Variants in MITF observed in about 807,000 individuals in gnomAD.
The protein encoded by MITF is microphthalmia-associated transcription factor.
MITF carries 17 observed loss-of-function variants against 60.5 expected under a neutral mutation model. The observed-to-expected ratio is 0.28, with a 90% CI of 0.19 to 0.42. The LOEUF is 0.42. MITF is among the 10% of genes least tolerant of loss of function. MITF has a pLI of 1.00. For missense variants in MITF, 622 were observed against 683.5 expected (o/e 0.91, Z 1.00); for synonymous variants, 260 against 248.5 (o/e 1.05, Z -0.43).
chr3:69,831,252 A>G lies in MITF; in HGVS notation c.105-47882A>G, dbSNP rs2063442800. On this transcript the variant is annotated intron_variant, in intron 1 of 9. Coordinates refer to ENST00000352241, the MANE Select transcript of MITF (RefSeq NM_001354604.2). ...TTAACAATTATGCTTCCCCCCCATTATTATCATCACTAATGATATGGTCTG... is the reference window on the plus strand; with the variant it reads ...TTAACAATTATGCTTCCCCCCCATTGTTATCATCACTAATGATATGGTCTG... Among the ~76,000 whole-genome samples the G allele has an allele frequency of 2.6e-5, 4 of 152,102 alleles. No homozygotes were observed. In the South Asian group the frequency reaches 6.2e-4, roughly 24 times the overall value.
At chr3:69,934,457 C>T (rs1559729989) in intron 2 of MITF, among the ~76,000 whole-genome samples, 1 of 152,056 alleles carries the variant, frequency 6.6e-6, no homozygotes, top group African/African-American at 2.4e-5. Context: ...GATCCTAAGA[C>T]AAAAATGTTT....
intron 2 of MITF, among the ~76,000 whole-genome samples, chr3:69,915,324 A>G (rs1377754134): frequency 6.6e-6 from 1 of 152,142 alleles, no homozygotes; most frequent in Non-Finnish European, 1.5e-5. Context: ...GTATTATAAA[A>G]TTATTTTCTA....
intron 3 of MITF, chr3:69,938,647 G>T (rs1303871802): frequency 4.5e-6 from 6 of 1,334,694 alleles, no homozygotes; most frequent in Non-Finnish European, 5.7e-6. Flanking sequence ...GGCTGGATTG[G>T]AAACAAGACT....
At chr3:69,948,268 A>G (rs573912199) in intron 5 of MITF, among the ~76,000 whole-genome samples, 12 of 152,242 alleles carry the variant, frequency 7.9e-5, no homozygotes, top group African/African-American at 2.4e-4. Flanking sequence ...AGGCCTATAA[A>G]CTGCTGCAAC....
chr3:69,898,293 C>T (rs778141061), intron 2 of MITF, among the ~76,000 whole-genome samples: 16 of 152,212 alleles, frequency 1.1e-4, no homozygotes, highest in Admixed American at 4.6e-4. Context: ...TGCAAAGGAC[C>T]TGTGTCAGGA....
At chr3:69,764,605 G>C (rs1043266924) in intron 1 of MITF, among the ~76,000 whole-genome samples, 2 of 152,182 alleles carry the variant, frequency 1.3e-5, no homozygotes, top group Non-Finnish European at 2.9e-5. Flanking sequence ...ACCCCAGACA[G>C]AGGAGTCTCA....
chr3:69,810,143 G>C (rs2063077657), intron 1 of MITF, among the ~76,000 whole-genome samples: 1 of 152,106 alleles, frequency 6.6e-6, no homozygotes, highest in Non-Finnish European at 1.5e-5. Context: ...GCCTCATACT[G>C]ACTGGCCAGA....
intron 2 of MITF, among the ~76,000 whole-genome samples, chr3:69,924,442 G>A (rs757726079): frequency 3.9e-5 from 6 of 152,112 alleles, no homozygotes; most frequent in Non-Finnish European, 7.4e-5. Context: ...TTCCTTTTAT[G>A]GAGAAAGAGG....
At position 69,956,571 on chromosome 3, in the gene MITF, G is replaced by A. The variant is rs372203415; in HGVS notation, c.1031+41G>A. ...TGTTAATCTGCATCATATATTTTTC[G>A]TACCTGAATGTTTTTTCATACGTTG... is the stretch of plus-strand genomic sequence containing the variant. On this transcript the variant is annotated intron_variant, in intron 8 of 9. Transcript: ENST00000352241. 4.8e-5 allele frequency: 72 copies of A among 1,502,242 alleles called. 1 individual carries two copies. In the East Asian group the frequency reaches 7.7e-4, roughly 16 times the overall value. The allele number at this position is 1,502,242 out of a possible 1,614,324, so 93.1% of individuals were successfully genotyped here.
At chr3:69,803,159 A>G (rs2062950397) in intron 1 of MITF, among the ~76,000 whole-genome samples, 1 of 152,230 alleles carries the variant, frequency 6.6e-6, no homozygotes, top group Non-Finnish European at 1.5e-5. Context: ...GACATGAAAC[A>G]TAAGAAATGA....
At chr3:69,940,574 A>T (rs2065945501) in intron 4 of MITF, among the ~76,000 whole-genome samples, 1 of 152,158 alleles carries the variant, frequency 6.6e-6, no homozygotes, top group Non-Finnish European at 1.5e-5. Flanking sequence ...TACCAAGCAC[A>T]CTGGTAGCTG....
intron 1 of MITF, among the ~76,000 whole-genome samples, chr3:69,813,217 G>A (rs1336954567): frequency 6.6e-6 from 1 of 152,134 alleles, no homozygotes; most frequent in Non-Finnish European, 1.5e-5. Flanking sequence ...ACTTTTCATT[G>A]ACACAGTTAG....
At chr3:69,836,563 C>T (rs2107122132) in intron 1 of MITF, among the ~76,000 whole-genome samples, 1 of 152,278 alleles carries the variant, frequency 6.6e-6, no homozygotes, top group East Asian at 1.9e-4. Context: ...TGAAAGAACA[C>T]ATTTCTTTCT....
At chr3:69,838,413 G>C (rs891598059) in intron 1 of MITF, among the ~76,000 whole-genome samples, 1 of 151,894 alleles carries the variant, frequency 6.6e-6, no homozygotes, top group Non-Finnish European at 1.5e-5. Context: ...ACTGTTATTA[G>C]TGACGGATTT....
intron 5 of MITF, among the ~76,000 whole-genome samples, chr3:69,944,181 A>T (rs564791988): frequency 6.6e-6 from 1 of 152,212 alleles, no homozygotes; most frequent in East Asian, 1.9e-4. Context: ...TTGTTCCTTC[A>T]TTATCTCGTT....
chr3:69,917,833 C>T (rs1406220611), intron 2 of MITF, among the ~76,000 whole-genome samples: 1 of 151,036 alleles, frequency 6.6e-6, no homozygotes, highest in Non-Finnish European at 1.5e-5. Context: ...AAGATAGAGA[C>T]TGTTTTTTGT....
At position 69,949,127 on chromosome 3, in the gene MITF, C is replaced by G; in HGVS notation, c.839C>G (p.Ser280Cys). The G allele has an allele frequency of 6.2e-7, 1 of 1,613,710 alleles. No individual in the cohort carries two copies. Among genetic ancestry groups the G allele is most frequent in the East Asian group, 2.2e-5 (1 of 44,840 alleles). ...CCACCAGGCCTCACCATCAGCAACTCCTGTCCAGCCAACCTTCCCAACATA... is the reference window on the plus strand; with the variant it reads ...CCACCAGGCCTCACCATCAGCAACTGCTGTCCAGCCAACCTTCCCAACATA... ...LPPPGLTISN[S>C]CPANLPNIKR... Residue 280 changes from serine to cysteine, a missense_variant, in exon 6 of 10, where the codon TCC (serine) becomes TGC (cysteine). Ser to Cys is a moderately radical substitution (Grantham distance 112). Transcript: ENST00000352241.
At chr3:69,876,981 T>C (rs2064368652) in intron 1 of MITF, among the ~76,000 whole-genome samples, 1 of 152,206 alleles carries the variant, frequency 6.6e-6, no homozygotes, top group South Asian at 2.1e-4. Context: ...ATTCTCACCC[T>C]GGCAACTATC....
At chr3:69,743,006 A>C (rs893471175) in intron 1 of MITF, among the ~76,000 whole-genome samples, 7 of 152,214 alleles carry the variant, frequency 4.6e-5, no homozygotes, top group African/African-American at 1.4e-4. Context: ...CTCCAAGGGA[A>C]CAGGGTTTTC....
Sources: gnomAD v4.1 joint callset for allele counts (sites outside exome capture counted in the v4.1 genomes callset) on GRCh38, gnomAD v4.1.1 for gene constraint, MANE v1.5 for transcripts, NCBI Gene and HGNC (gene_info 2026-07-23, HGNC 2026-07-21) for gene names.